Variants in TEKT5 observed in about 807,000 individuals in gnomAD.
TEKT5 encodes tektin 5, also known as tektin-5.
In TEKT5, 52 loss-of-function variants were observed where a neutral mutation model predicts 48.7. That is an observed-to-expected ratio of 1.07 (90% CI 0.86 to 1.35). The LOEUF (loss-of-function observed/expected upper bound fraction) is 1.35. TEKT5 is among the 40% of genes most tolerant of loss of function. The probability of loss-of-function intolerance (pLI) is 0.00; values close to 1 mark genes in which losing one functional copy is unlikely to be tolerated. For synonymous variants in TEKT5, 318 were observed against 267.6 expected, an observed-to-expected ratio of 1.19 and a Z score of -1.84; for missense variants, 831 against 641.6, an observed-to-expected ratio of 1.30 and a Z score of -3.19.
chr16:10,680,507 C>G (rs1332855586), intron 4 of TEKT5, among the ~76,000 whole-genome samples: 1 of 151,756 alleles, frequency 6.6e-6, no homozygotes, highest in Non-Finnish European at 1.5e-5. Flanking sequence ...AGACTCCACC[C>G]TCTTTCTCAT....
rs541705566 is a variant in TEKT5 at position 10,642,456 on chromosome 16, C to G, written c.1087-6538G>C. Among the ~76,000 whole-genome samples, 3 of 152,308 alleles carry G rather than the reference C, an allele frequency of 2.0e-5. No homozygotes were observed. The South Asian group carries it at 6.2e-4, about 32-fold the overall frequency. ...CCTAAGCCTCTTACCCTGCCCCACC[C>G]TGTCCTTCCCATGGAAACCATAACA... On this transcript the variant is annotated intron_variant, in intron 5 of 6. Coordinates refer to ENST00000283025, the MANE Select transcript of TEKT5 (RefSeq NM_144674.2).
At chr16:10,632,738 G>A (rs573154971) in intron 6 of TEKT5, among the ~76,000 whole-genome samples, 11 of 152,186 alleles carry the variant, frequency 7.2e-5, no homozygotes, top group East Asian at 3.9e-4. Context: ...TGGAGAGGAC[G>A]GGGACAAGGA....
rs1178412435 is a variant in TEKT5, at chr16:10,694,669, T to C, written c.205A>G (p.Thr69Ala). ...ATGGTGGGCGGCCGCAGGGTACTGG[T>C]GCTCTCGTCCGGGCAGGTCTGGACG... Reference protein sequence around the residue: ...ANVQTCPDESTSTLRPPTILP... With the variant: ...ANVQTCPDESASTLRPPTILP... The change falls in exon 1 of 7, where the codon ACC becomes GCC. Residue 69 changes from threonine to alanine, a missense_variant. Thr to Ala is a moderately conservative substitution (Grantham distance 58). Transcript: ENST00000283025. 3 of 1,613,340 alleles carry C rather than the reference T, an allele frequency of 1.9e-6. No individual in the cohort carries two copies. Among genetic ancestry groups the C allele is most frequent in the Non-Finnish European group, 2.5e-6 (3 of 1,179,612 alleles).
intron 5 of TEKT5, among the ~76,000 whole-genome samples, chr16:10,648,440 C>G (rs182246041): frequency 1.3e-5 from 2 of 152,238 alleles, no homozygotes; most frequent in Admixed American, 1.3e-4. Context: ...GCCTCAGCCT[C>G]CTGAGTAGCT....
At position 10,635,826 on chromosome 16, in the gene TEKT5, T is replaced by C. The variant is rs747148360; in HGVS notation, c.1179A>G (p.Thr393=). 13 of 1,614,098 alleles carry C rather than the reference T, an allele frequency of 8.1e-6. No individual in the cohort carries two copies. Among genetic ancestry groups the C allele is most frequent in the Non-Finnish European group, 1.0e-5 (12 of 1,180,014 alleles). The change falls in exon 6 of 7, where the codon ACA becomes ACG. Residue 393 remains threonine (T), a synonymous_variant. Coordinates refer to ENST00000283025, the MANE Select transcript of TEKT5 (RefSeq NM_144674.2). The part of the protein sequence containing the change: ...AKEGPLKVAQ[T]RLECRTRRPN... ...GGCGCCGGGTCCGGCACTCCAGCCT[T>C]GTCTGGGCCACCTTCAGCGGGCCCT... is the stretch of plus-strand genomic sequence containing the variant.
In TEKT5 at chr16:10,657,641, G is replaced by A. The variant is rs567190527; in HGVS notation, c.1086+18318C>T. 2.0e-5 allele frequency among the ~76,000 whole-genome samples: 3 copies of A among 149,970 alleles called. No homozygotes were observed. In the East Asian group the frequency reaches 6.0e-4, roughly 30 times the overall value. On this transcript the variant is annotated intron_variant, in intron 5 of 6. Coordinates refer to ENST00000283025, the MANE Select transcript of TEKT5 (RefSeq NM_144674.2). ...GTCTCGCTCAGTCACCCAGGCTGGA[G>A]TGCAGTGGCGCAATCTCGGCTCACT...
At chr16:10,654,175 C>T (rs540050314) in intron 5 of TEKT5, among the ~76,000 whole-genome samples, 8 of 152,210 alleles carry the variant, frequency 5.3e-5, no homozygotes, top group Middle Eastern at 3.4e-3. Context: ...TTCAGACTCC[C>T]GAGTTGCTGG....
chr16:10,689,395 T>C, intron 2 of TEKT5, 72 bp from the exon 3 acceptor site: 1 of 1,353,452 alleles, frequency 7.4e-7, no homozygotes, highest in African/African-American at 1.4e-5. Flanking sequence ...GCCAGAGCCC[T>C]CAGCTCTCCC....
intron 6 of TEKT5, among the ~76,000 whole-genome samples, chr16:10,635,369 G>A (rs1897898299): frequency 6.6e-6 from 1 of 152,076 alleles, no homozygotes; most frequent in Admixed American, 6.5e-5. Context: ...TGGGAAATGA[G>A]TGAGGAATGG....
chr16:10,652,191 T>C (rs142660575), intron 5 of TEKT5, among the ~76,000 whole-genome samples: 3 of 152,116 alleles, frequency 2.0e-5, no homozygotes, highest in African/African-American at 7.2e-5. Flanking sequence ...TCGAAAACCT[T>C]AGCAAGTATG....
intron 1 of TEKT5, chr16:10,690,776 G>C (rs779872320): frequency 1.1e-4 from 111 of 985,274 alleles, no homozygotes; most frequent in Non-Finnish European, 1.3e-4. Context: ...ATGGGAAGCT[G>C]ACAAACAGCA....
At chr16:10,679,442 C>T (rs138206943) in intron 4 of TEKT5, among the ~76,000 whole-genome samples, 9 of 142,280 alleles carry the variant, frequency 6.3e-5, no homozygotes, top group Non-Finnish European at 7.5e-5. Context: ...GGTGACAGAG[C>T]GAGACTCTGT....
At chr16:10,638,856 GAGAC>G (rs1432605793) in intron 5 of TEKT5, among the ~76,000 whole-genome samples, 1 of 152,242 alleles carries the variant, frequency 6.6e-6, no homozygotes, top group African/African-American at 2.4e-5. Flanking sequence ...TCTGGGGAAA[GAGAC>G]AGACAAGACT....
intron 5 of TEKT5, among the ~76,000 whole-genome samples, chr16:10,646,641 G>GA (rs140929701): frequency 1.3e-5 from 2 of 151,996 alleles, no homozygotes; most frequent in Non-Finnish European, 2.9e-5. Flanking sequence ...ATTAGCTTAA[G>GA]AAAAAATCCA....
At chr16:10,656,785 G>A (rs905073491) in intron 5 of TEKT5, among the ~76,000 whole-genome samples, 3 of 152,114 alleles carry the variant, frequency 2.0e-5, no homozygotes, top group African/African-American at 7.2e-5. Context: ...TTGTTGCCCA[G>A]GCTGGAGGGC....
rs59058358 is a variant in TEKT5 at position 10,645,425 on chromosome 16, C to T, written c.1087-9507G>A. Among the ~76,000 whole-genome samples the T allele has an allele frequency of 5.8e-3, 885 of 152,102 alleles. 14 individuals carry two copies. Among genetic ancestry groups the T allele is most frequent in the African/African-American group, 0.02 (844 of 41,486 alleles). ...TACTCAGGAGGCTGAGGTGGGAGGA[C>T]TGCCTGACCCCAGGAGGTGAAGGCT... On this transcript the variant is annotated intron_variant, in intron 5 of 6. Transcript: ENST00000283025.
chr16:10,677,607 C>T (rs1898671133), intron 4 of TEKT5, among the ~76,000 whole-genome samples: 1 of 146,062 alleles, frequency 6.8e-6, no homozygotes, highest in African/African-American at 2.7e-5. Context: ...AGACCCTGTC[C>T]CCCCCAACAA....
At chr16:10,647,816 T>C (rs1432355689) in intron 5 of TEKT5, among the ~76,000 whole-genome samples, 1 of 152,250 alleles carries the variant, frequency 6.6e-6, no homozygotes, top group East Asian at 1.9e-4. Flanking sequence ...CATTGATTCA[T>C]ATGTCAGTGC....
At chr16:10,691,064 G>T (rs1358864517) in intron 1 of TEKT5, among the ~76,000 whole-genome samples, 1 of 152,208 alleles carries the variant, frequency 6.6e-6, no homozygotes, top group Non-Finnish European at 1.5e-5. Flanking sequence ...GTCAGGCTGG[G>T]CACAGCGCCT....
Sources: gnomAD v4.1 joint callset for allele counts (sites outside exome capture counted in the v4.1 genomes callset) on GRCh38, gnomAD v4.1.1 for gene constraint, MANE v1.5 for transcripts, NCBI Gene and HGNC (gene_info 2026-07-23, HGNC 2026-07-21) for gene names.